The following LIPA variants were observed in gnomAD, a reference collection of about 807,000 sequenced individuals.
LIPA encodes the protein lipase A, lysosomal acid type.
In LIPA, 26 loss-of-function variants were observed where a neutral mutation model predicts 40.6. That is an observed-to-expected ratio of 0.64 (90% CI 0.47 to 0.89). The LOEUF (loss-of-function observed/expected upper bound fraction) is 0.89. LIPA is among the 40% of genes least tolerant of loss of function. The pLI is 0.00. For synonymous variants in LIPA, 188 were observed against 168.4 expected (o/e 1.12, Z -0.90); for missense variants, 455 against 479.6 (o/e 0.95, Z 0.48).
At chr10:89,311,524 CAAAAA>C (rs36010336) in intron 1 of LIPA, among the ~76,000 whole-genome samples, 1 of 73,716 alleles carries the variant, frequency 1.4e-5, no homozygotes, top group Admixed American at 1.6e-4. Context: ...GACCCTGTCT[CAAAAA>C]AAAAAAAAAA....
chr10:89,222,823 C>T (rs1019299361), intron 7 of LIPA, among the ~76,000 whole-genome samples: 2 of 152,136 alleles, frequency 1.3e-5, no homozygotes, highest in African/African-American at 2.4e-5. Context: ...GTGTGGGTTT[C>T]GTTTACAGGG....
chr10:89,277,203 G>T (rs548530135), intron 1 of LIPA, among the ~76,000 whole-genome samples: 22 of 152,350 alleles, frequency 1.4e-4, no homozygotes, highest in African/African-American at 5.3e-4. Flanking sequence ...AGGAAGGTTC[G>T]CTGGGAGTGG....
intron 1 of LIPA, among the ~76,000 whole-genome samples, chr10:89,311,426 A>G (rs144422846): frequency 1.4e-5 from 2 of 147,662 alleles, no homozygotes; most frequent in Non-Finnish European, 1.5e-5. Context: ...GCTACTCAGG[A>G]GGTTGAGGCA....
chr10:89,327,817 C>G, intron 1 of LIPA: 1 of 502,348 alleles, frequency 2.0e-6, no homozygotes, highest in Non-Finnish European at 3.6e-6. Context: ...CTGGCTCAGC[C>G]ATTGCAGGTC....
chr10:89,250,819 TAAG>T lies in LIPA; in HGVS notation c.-2+915_-2+917del, dbSNP rs536071619. ...ACATACTAAGCCAAGCAATTCTTAC[TAAG>T]AAGGAGATACTCTGAAAATCTCGAA... On this transcript the variant is annotated intron_variant, in intron 1 of 9. Transcript: ENST00000336233. Among the ~76,000 whole-genome samples, 15 of 152,164 alleles carry T rather than the reference TAAG, an allele frequency of 9.9e-5. No individual in the cohort carries two copies. The South Asian group carries it at 3.1e-3, about 32-fold the overall frequency.
intron 2 of LIPA, among the ~76,000 whole-genome samples, chr10:89,367,009 G>T (rs1289182267): frequency 6.6e-6 from 1 of 152,202 alleles, no homozygotes; most frequent in Non-Finnish European, 1.5e-5. Context: ...AAAAGGATGA[G>T]CTCATGTCCT....
At chr10:89,267,362 G>C (rs560215593) in intron 1 of LIPA, among the ~76,000 whole-genome samples, 2 of 152,280 alleles carry the variant, frequency 1.3e-5, no homozygotes, top group South Asian at 2.1e-4. Flanking sequence ...TCTCACAGAA[G>C]CTTCCCTGAA....
intron 8 of LIPA, among the ~76,000 whole-genome samples, chr10:89,216,764 G>C (rs1206728675): frequency 2.0e-5 from 3 of 152,070 alleles, no homozygotes; most frequent in Non-Finnish European, 4.4e-5. Flanking sequence ...TGGGGATGAT[G>C]TCTGCAGCCA....
chr10:89,262,233 A>T (rs932284473), intron 1 of LIPA, among the ~76,000 whole-genome samples: 5 of 152,208 alleles, frequency 3.3e-5, no homozygotes, highest in African/African-American at 4.8e-5. Flanking sequence ...CGTTCCAAAA[A>T]AAAAAATCAG....
intron 1 of LIPA, chr10:89,307,062 C>G: frequency 6.2e-7 from 1 of 1,613,906 alleles, no homozygotes; most frequent in Non-Finnish European, 8.5e-7. Flanking sequence ...ACTCCTGTAG[C>G]GAAACAACTG....
chr10:89,300,308 A>G (rs1401192965), intron 1 of LIPA, among the ~76,000 whole-genome samples: 1 of 152,210 alleles, frequency 6.6e-6, no homozygotes, highest in African/African-American at 2.4e-5. Flanking sequence ...ATGGGTACAA[A>G]CATGCCGTTA....
At chr10:89,361,065 C>T (rs1288027468) in intron 2 of LIPA, among the ~76,000 whole-genome samples, 2 of 152,146 alleles carry the variant, frequency 1.3e-5, no homozygotes, top group Non-Finnish European at 2.9e-5. Context: ...AGCGTCCTCC[C>T]AATGTGCTCA....
chr10:89,406,097 T>C (rs1398428700), intron 2 of LIPA: 1 of 152,226 alleles, frequency 6.6e-6, no homozygotes, highest in Non-Finnish European at 1.5e-5. Flanking sequence ...CATTTTTTGC[T>C]TCAACTTTTA....
chr10:89,394,599 TATA>T (rs1187163496), intron 2 of LIPA, among the ~76,000 whole-genome samples: 1 of 27,966 alleles, frequency 3.6e-5, no homozygotes, highest in African/African-American at 1.1e-4. Flanking sequence ...TATATATATA[TATA>T]TATATATATA....
chr10:89,235,311 C>A (rs1842891058), intron 3 of LIPA, among the ~76,000 whole-genome samples: 1 of 152,170 alleles, frequency 6.6e-6, no homozygotes, highest in Non-Finnish European at 1.5e-5. Flanking sequence ...CTATGCCCTA[C>A]GGGTGGCTCT....
rs1424657350 is a variant in LIPA, at chr10:89,295,890, C to A, written c.-2+46721G>T. On this transcript the variant is annotated intron_variant, in intron 1 of 5. Coordinates refer to the LIPA transcript ENST00000282673. ...ATTGCATGCATAGTCTCACACTAACCCAGCTACTAAATCAGCTGATGCATA... is the reference window on the plus strand; with the variant it reads ...ATTGCATGCATAGTCTCACACTAACACAGCTACTAAATCAGCTGATGCATA... Among the ~76,000 whole-genome samples the A allele has an allele frequency of 2.0e-5, 3 of 152,142 alleles. No individual in the cohort carries two copies. The East Asian group carries it at 5.8e-4, about 29-fold the overall frequency.
In LIPA at chr10:89,403,015, T is replaced by C. The variant is rs763929566; in HGVS notation, c.61+9776A>G. 6 of 1,614,106 alleles carry C rather than the reference T, an allele frequency of 3.7e-6. No homozygotes were observed. In the African/African-American group the frequency reaches 4.0e-5, roughly 11 times the overall value. ...TACATTGAAGAAGCTCTAGCCAACA[T>C]GTCCTCACAGACCTATGTCTTTCGA... On this transcript the variant is annotated intron_variant, in intron 2 of 8. Transcript: ENST00000371837.
intron 1 of LIPA, among the ~76,000 whole-genome samples, chr10:89,275,234 T>C (rs1050426574): frequency 2.0e-5 from 3 of 152,226 alleles, no homozygotes; most frequent in African/African-American, 7.2e-5. Context: ...CACAGAATAC[T>C]ATGGCCCATC....
intron 1 of LIPA, among the ~76,000 whole-genome samples, chr10:89,296,548 C>T (rs1843416607): frequency 6.7e-6 from 1 of 148,836 alleles, no homozygotes; most frequent in Non-Finnish European, 1.5e-5. Flanking sequence ...GAACTTGAAA[C>T]TCTTGCGTAA....
Sources: allele counts gnomAD v4.1 joint callset (sites outside exome capture counted in the v4.1 genomes callset), GRCh38; gene constraint gnomAD v4.1.1; transcripts MANE v1.5; gene names NCBI Gene and HGNC (gene_info 2026-07-23, HGNC 2026-07-21).